HDHD2: variants seen among roughly 807,000 people sequenced by gnomAD.
HDHD2 encodes haloacid dehalogenase like hydrolase domain containing 2, also known as haloacid dehalogenase-like hydrolase domain-containing protein 2.
Under a neutral mutation model 24.8 loss-of-function variants are expected in HDHD2, and 26 were observed. The observed-to-expected ratio is 1.05, with a 90% CI of 0.77 to 1.45. The LOEUF (loss-of-function observed/expected upper bound fraction) is 1.45, where lower values mean the gene tolerates loss of function less well. HDHD2 is among the 40% of genes most tolerant of loss of function. The pLI, the probability that HDHD2 is intolerant of heterozygous loss-of-function variation, is 0.00. For synonymous variants in HDHD2, 128 were observed against 114.9 expected (o/e 1.11, Z -0.73); for missense variants, 299 against 313.4 (o/e 0.95, Z 0.35).
chr18:47,111,538 A>G, intron 6 of HDHD2: 1 of 985,380 alleles, frequency 1.0e-6, no homozygotes, highest in Non-Finnish European at 1.2e-6. Flanking sequence ...ACTTTTCCAG[A>G]CTTCATTTCA....
At chr18:47,138,171 CAAAAAAAAAAAAAAAA>C (rs58644217) in intron 1 of HDHD2, among the ~76,000 whole-genome samples, 5 of 54,914 alleles carry the variant, frequency 9.1e-5, no homozygotes, top group Admixed American at 6.3e-4. Context: ...GATTCTGTCG[CAAAAAAAAAAAAAAAA>C]AAAAAAAAAA....
In HDHD2 at chr18:47,135,488, CG is replaced by C. The variant is rs577455200; in HGVS notation, c.102-785del. On this transcript the variant is annotated intron_variant, in intron 2 of 6. Transcript: ENST00000300605. ...GTCGGTCAGGCTGGTCTCGAACTCC[CG>C]ACCTCAGGTGATCCACCCGCCTCGG... Among the ~76,000 whole-genome samples, 6 of 152,018 alleles carry C rather than the reference CG, an allele frequency of 3.9e-5. No individual in the cohort carries two copies. In the East Asian group the frequency reaches 9.7e-4, roughly 25 times the overall value.
At chr18:47,128,034 C>T (rs1476230867) in intron 4 of HDHD2, among the ~76,000 whole-genome samples, 1 of 135,424 alleles carries the variant, frequency 7.4e-6, no homozygotes, top group African/African-American at 2.7e-5. Flanking sequence ...AAGGCAGTCC[C>T]TGTGGAAACA....
intron 4 of HDHD2, among the ~76,000 whole-genome samples, chr18:47,122,897 A>G (rs1437205808): frequency 6.6e-6 from 1 of 152,184 alleles, no homozygotes; most frequent in East Asian, 1.9e-4. Context: ...TTTAAAAAAA[A>G]AAAGTTTTGA....
chr18:47,138,171 CAAAAAAAAAAA>C (rs58644217), intron 1 of HDHD2, among the ~76,000 whole-genome samples: 3 of 54,910 alleles, frequency 5.5e-5, no homozygotes, highest in African/African-American at 1.6e-4. Flanking sequence ...GATTCTGTCG[CAAAAAAAAAAA>C]AAAAAAAAAA....
At chr18:47,123,342 CT>C (rs1215463179) in intron 4 of HDHD2, among the ~76,000 whole-genome samples, 1 of 152,166 alleles carries the variant, frequency 6.6e-6, no homozygotes, top group Non-Finnish European at 1.5e-5. Flanking sequence ...AATCCCAGCA[CT>C]TTGGGAGGCC....
chr18:47,117,764 G>C (rs1300264807), intron 4 of HDHD2, among the ~76,000 whole-genome samples: 1 of 151,964 alleles, frequency 6.6e-6, no homozygotes, highest in Non-Finnish European at 1.5e-5. Flanking sequence ...GCCCACTTGA[G>C]GCCAGGATTC....
intron 5 of HDHD2, among the ~76,000 whole-genome samples, chr18:47,113,875 C>T (rs763325806): frequency 3.2e-4 from 48 of 152,098 alleles, no homozygotes; most frequent in Admixed American, 5.9e-4. Flanking sequence ...TAAACTTGCC[C>T]TGTTGAAGAG....
intron 5 of HDHD2, among the ~76,000 whole-genome samples, chr18:47,114,193 T>C (rs943337889): frequency 6.6e-6 from 1 of 152,222 alleles, no homozygotes; most frequent in African/African-American, 2.4e-5. Flanking sequence ...TCAGTGATTA[T>C]CCTATTCAAT....
intron 1 of HDHD2, among the ~76,000 whole-genome samples, chr18:47,148,737 C>T (rs924916389): frequency 6.6e-6 from 1 of 152,198 alleles, no homozygotes; most frequent in Non-Finnish European, 1.5e-5. Flanking sequence ...TTCTCTTCAT[C>T]GTTTTTAAAA....
At chr18:47,110,442 G>T (rs1171411865) in intron 6 of HDHD2, 1 of 984,904 alleles carries the variant, frequency 1.0e-6, no homozygotes, top group Non-Finnish European at 1.2e-6. Flanking sequence ...GTTTCTATTT[G>T]ATCTTACAGG....
At chr18:47,126,474 C>T (rs1250038647) in intron 4 of HDHD2, among the ~76,000 whole-genome samples, 1 of 151,838 alleles carries the variant, frequency 6.6e-6, no homozygotes. Flanking sequence ...GTAAGAAGCT[C>T]ATCCTGAAAA....
chr18:47,134,228 T>G (rs530500187), intron 3 of HDHD2, among the ~76,000 whole-genome samples: 1 of 152,192 alleles, frequency 6.6e-6, no homozygotes, highest in Admixed American at 6.5e-5. Context: ...AGAATGCATG[T>G]TATACAGCAA....
intron 2 of HDHD2, 94 bp from the exon 3 acceptor site, chr18:47,134,798 A>G: frequency 1.0e-6 from 1 of 960,020 alleles, no homozygotes; most frequent in Non-Finnish European, 1.6e-6. Context: ...AAATGTTTTT[A>G]TGGCCAGCAA....
intron 4 of HDHD2, among the ~76,000 whole-genome samples, chr18:47,127,287 G>C (rs1012987691): frequency 3.9e-5 from 6 of 152,240 alleles, no homozygotes; most frequent in Admixed American, 6.5e-5. Context: ...ACATGACAAA[G>C]CATGCACAAT....
At chr18:47,122,423 T>A (rs989022669) in intron 4 of HDHD2, among the ~76,000 whole-genome samples, 9 of 152,170 alleles carry the variant, frequency 5.9e-5, no homozygotes, top group Non-Finnish European at 8.8e-5. Flanking sequence ...CTACCCATCA[T>A]GTGCCAGTAC....
At chr18:47,136,673 T>G (rs555252784) in intron 1 of HDHD2, among the ~76,000 whole-genome samples, 1 of 151,976 alleles carries the variant, frequency 6.6e-6, no homozygotes, top group East Asian at 1.9e-4. Flanking sequence ...ACACTTGAAT[T>G]AAAACTATAG....
chr18:47,139,187 G>C (rs1024082864), intron 1 of HDHD2, among the ~76,000 whole-genome samples: 1 of 152,126 alleles, frequency 6.6e-6, no homozygotes, highest in Non-Finnish European at 1.5e-5. Context: ...GGCCGGGCAC[G>C]GTGGCTCACG....
intron 4 of HDHD2, among the ~76,000 whole-genome samples, chr18:47,125,634 G>A (rs1568050142): frequency 6.6e-6 from 1 of 152,060 alleles, no homozygotes; most frequent in Non-Finnish European, 1.5e-5. Context: ...CTCAAAAGCA[G>A]ACCAAAAAAT....
Sources: allele counts gnomAD v4.1 joint callset (sites outside exome capture counted in the v4.1 genomes callset), GRCh38; gene constraint gnomAD v4.1.1; transcripts MANE v1.5; gene names NCBI Gene and HGNC (gene_info 2026-07-23, HGNC 2026-07-21).